Variants in FLVCR1 observed in about 807,000 individuals in gnomAD.
FLVCR1 encodes the protein FLVCR choline and heme transporter 1.
In FLVCR1, 34 loss-of-function variants were observed where a neutral mutation model predicts 53.6. The ratio of observed to expected loss-of-function variants is 0.63; its 90% CI spans 0.48 to 0.84. FLVCR1 has a LOEUF of 0.84. FLVCR1 is among the 40% of genes least tolerant of loss of function. The pLI, the probability that FLVCR1 is intolerant of heterozygous loss-of-function variation, is 0.00. For synonymous variants in FLVCR1, 300 were observed against 286.3 expected (o/e 1.05, Z -0.48); for missense variants, 677 against 696.7 (o/e 0.97, Z 0.32).
rs760414651 is a variant in FLVCR1 at position 212,858,706 on chromosome 1, G to C, written c.254G>C (p.Gly85Ala). 41 of 1,595,114 alleles carry C rather than the reference G, an allele frequency of 2.6e-5. No homozygotes were observed. In the African/African-American group the frequency reaches 5.4e-4, roughly 21 times the overall value. The change falls in exon 1 of 10, where the codon GGC (glycine) becomes GCC (alanine). Residue 85 changes from glycine (G) to alanine (A), a missense_variant. Gly to Ala is a moderately conservative substitution (Grantham distance 60). Coordinates refer to ENST00000366971, the MANE Select transcript of FLVCR1 (RefSeq NM_014053.4). The stretch of plus-strand genomic sequence containing the variant: ...ACCCAGGCCCGGCTGCTGCCTGCGG[G>C]CGCGGGAGCTGAGACCCCGGGGGCC... ...EETQARLLPA[G>A]AGAETPGAES... is the part of the protein sequence containing the mutation.
chr1:212,893,923 C>T (rs893586757), intron 8 of FLVCR1, among the ~76,000 whole-genome samples: 1 of 151,824 alleles, frequency 6.6e-6, no homozygotes, highest in Admixed American at 6.6e-5. Context: ...TTACAGATGC[C>T]CACCACCACA....
chr1:212,873,484 T>C lies in FLVCR1; in HGVS notation c.1024+666T>C, dbSNP rs41297448. Among the ~76,000 whole-genome samples the C allele has an allele frequency of 3.8e-3, 582 of 152,318 alleles. 2 individuals are homozygous for C. Among genetic ancestry groups the C allele is most frequent in the Non-Finnish European group, 6.6e-3 (447 of 68,020 alleles). The stretch of plus-strand genomic sequence containing the variant: ...TTCTTTGACACTGTGCAAGCTGGCA[T>C]CTGTTTTGATTACTCAGTCAAAAGT... On this transcript the variant is annotated intron_variant, in intron 3 of 9. Coordinates refer to ENST00000366971, the MANE Select transcript of FLVCR1 (RefSeq NM_014053.4).
rs370684850 is a variant in FLVCR1 at position 212,872,171 on chromosome 1, A to G, written c.884-507A>G. Among the ~76,000 whole-genome samples, 210 of 151,734 alleles carry G rather than the reference A, an allele frequency of 1.4e-3. 1 individual carries two copies. The South Asian group carries it at 0.027, about 20-fold the overall frequency. ...GCTCTGTTGCCCAGGCTGGAGTGCA[A>G]TGGCGCAGTCACAGCTCACTGCAGC... is the stretch of plus-strand genomic sequence containing the variant. On this transcript the variant is annotated intron_variant, in intron 2 of 9. Coordinates refer to ENST00000366971, the MANE Select transcript of FLVCR1 (RefSeq NM_014053.4).
At chr1:212,874,916 T>TAC (rs57061343) in intron 3 of FLVCR1, among the ~76,000 whole-genome samples, 5,060 of 149,352 alleles carry the variant, frequency 0.034, 152 homozygotes, top group African/African-American at 0.087. Context: ...GTCACAGACG[T>TAC]ACACACACAC....
intron 8 of FLVCR1, among the ~76,000 whole-genome samples, chr1:212,894,360 G>A (rs1482094093): frequency 7.3e-5 from 11 of 151,716 alleles, no homozygotes; most frequent in African/African-American, 2.7e-4. Context: ...TCACCGTGTT[G>A]GCCGGGATGG....
At chr1:212,871,959 A>G (rs763430312) in intron 2 of FLVCR1, among the ~76,000 whole-genome samples, 1 of 152,196 alleles carries the variant, frequency 6.6e-6, no homozygotes, top group Non-Finnish European at 1.5e-5. Context: ...CTCTGCTTCC[A>G]TGAATCTACC....
chr1:212,877,685 A>ATTT (rs1558115489), intron 3 of FLVCR1, among the ~76,000 whole-genome samples: 1 of 72,832 alleles, frequency 1.4e-5, no homozygotes, highest in South Asian at 4.5e-4. Context: ...CTCTGATGAT[A>ATTT]GTTTTTTTTT....
At chr1:212,875,294 A>G (rs946694619) in intron 3 of FLVCR1, among the ~76,000 whole-genome samples, 10 of 152,214 alleles carry the variant, frequency 6.6e-5, no homozygotes, top group African/African-American at 2.4e-4. Flanking sequence ...ACAACACAAG[A>G]TGAGTTGTAT....
rs574563810 is a variant in FLVCR1 at position 212,888,604 on chromosome 1, T to A, written c.1413+10T>A. 6.5e-7 allele frequency: 1 copy of A among 1,530,998 alleles called. No individual in the cohort carries two copies. The highest frequency in any genetic ancestry group is 9.1e-7 in the Non-Finnish European group (1 of 1,104,292). The allele number at this position is 1,530,998 out of a possible 1,614,324, so 94.8% of individuals were successfully genotyped here. On this transcript the variant is annotated intron_variant, in intron 7 of 9. Transcript: ENST00000366971. The stretch of plus-strand genomic sequence containing the variant: ...TAATGCTTCTGCACAGGTAAACCTC[T>A]GATTTCTCTAAACCTGAGATGATTA...
At chr1:212,886,654 G>A (rs1169298251) in intron 5 of FLVCR1, among the ~76,000 whole-genome samples, 1 of 152,018 alleles carries the variant, frequency 6.6e-6, no homozygotes, top group Non-Finnish European at 1.5e-5. Context: ...ACAAAAAATA[G>A]TCAAGTGTGG....
intron 8 of FLVCR1, among the ~76,000 whole-genome samples, chr1:212,891,655 A>G (rs2102573018): frequency 6.6e-6 from 1 of 152,284 alleles, no homozygotes. Flanking sequence ...TATTGAAATC[A>G]GGGCCCTGAT....
At chr1:212,888,650 A>T (rs1665117479) in intron 7 of FLVCR1, 56 bp downstream of exon 7, 1 of 1,208,384 alleles carries the variant, frequency 8.3e-7, no homozygotes, top group African/African-American at 1.5e-5. Flanking sequence ...TATTCTAGTG[A>T]GTAATGAGTT....
chr1:212,895,559 A>T lies in FLVCR1; in HGVS notation c.*269A>T. The T allele has an allele frequency of 2.2e-6, 1 of 452,552 alleles. No homozygotes were observed. Among genetic ancestry groups the T allele is most frequent in the South Asian group, 2.5e-5 (1 of 39,620 alleles). The allele number at this position is 452,552 out of a possible 1,614,324, so 28.0% of individuals were successfully genotyped here. A position where few individuals can be genotyped will look rare whatever the true frequency, so the allele number is the denominator to read the frequency against. ...TTTTTAGTCTCATATTGTATCTGAA[A>T]GTAAGCTTCTTGACGTTTACTTTTT... is the stretch of plus-strand genomic sequence containing the variant. On this transcript the variant is annotated 3_prime_UTR_variant, in exon 10 of 10. Coordinates refer to ENST00000366971, the MANE Select transcript of FLVCR1 (RefSeq NM_014053.4).
rs2102526011 is a variant in FLVCR1 at position 212,858,628 on chromosome 1, C to T, written c.176C>T (p.Ala59Val). 2 of 1,532,308 alleles carry T rather than the reference C, an allele frequency of 1.3e-6. No individual in the cohort carries two copies. Among genetic ancestry groups the T allele is most frequent in the Non-Finnish European group, 1.8e-6 (2 of 1,139,188 alleles). The allele number at this position is 1,532,308 out of a possible 1,614,324, so 94.9% of individuals were successfully genotyped here. The change falls in exon 1 of 10, where the codon GCC (alanine) becomes GTC (valine). Residue 59 changes from alanine (A) to valine (V), a missense_variant. By Grantham distance (64) the Ala-to-Val change is moderately conservative. Transcript: ENST00000366971. ...VNGAPRDSLA[A>V]ASGVLGGPQT... ...GGGGCCCCCCGGGACAGCCTCGCTG[C>T]CGCCTCGGGAGTTCTGGGCGGGCCT...
chr1:212,886,039 G>GTTTTT (rs1477656980), intron 5 of FLVCR1, among the ~76,000 whole-genome samples: 12 of 66,278 alleles, frequency 1.8e-4, no homozygotes, highest in African/African-American at 6.8e-4. Context: ...ACTTTATCTT[G>GTTTTT]TTCTTTTTTT....
At position 212,898,174 on chromosome 1, in the gene FLVCR1, A is replaced by G. The variant is rs1665387391; in HGVS notation, c.*2884A>G. The G allele has an allele frequency of 6.6e-6, 1 of 152,232 alleles. No individual in the cohort carries two copies. Among genetic ancestry groups the G allele is most frequent in the Non-Finnish European group, 1.5e-5 (1 of 68,040 alleles). 9.4% of individuals were successfully genotyped at this position (152,232 alleles called of 1,614,324 possible). The stretch of plus-strand genomic sequence containing the variant: ...TCTTTCCAAAATATTAAATGCCATT[A>G]ATCATGGAATAGACCAAATTATTGT... On this transcript the variant is annotated 3_prime_UTR_variant, in exon 10 of 10. Coordinates refer to ENST00000366971, the MANE Select transcript of FLVCR1 (RefSeq NM_014053.4).
At chr1:212,877,197 A>G (rs1394906168) in intron 3 of FLVCR1, among the ~76,000 whole-genome samples, 1 of 139,010 alleles carries the variant, frequency 7.2e-6, no homozygotes, top group Non-Finnish European at 1.5e-5. Flanking sequence ...GTGCAGTGGC[A>G]TGATCTTGGC....
At chr1:212,865,754 T>C (rs1664395587) in intron 2 of FLVCR1, among the ~76,000 whole-genome samples, 1 of 151,938 alleles carries the variant, frequency 6.6e-6, no homozygotes. Context: ...AGTGCTGGGA[T>C]TATAGGCATG....
At position 212,880,926 on chromosome 1, in the gene FLVCR1, G is replaced by A. The variant is rs1664911668; in HGVS notation, c.1025-2445G>A. Among the ~76,000 whole-genome samples, 6 of 152,142 alleles carry A rather than the reference G, an allele frequency of 3.9e-5. No homozygotes were observed. The South Asian group carries it at 1.2e-3, about 31-fold the overall frequency. On this transcript the variant is annotated intron_variant, in intron 3 of 9. Coordinates refer to ENST00000366971, the MANE Select transcript of FLVCR1 (RefSeq NM_014053.4). ...GTTTCTGCTCATCAAAGTTACTCAA[G>A]GATACAGCCTGACATCTCTGTAAAT...
Sources: gnomAD v4.1 joint callset for allele counts (sites outside exome capture counted in the v4.1 genomes callset) on GRCh38, gnomAD v4.1.1 for gene constraint, MANE v1.5 for transcripts, NCBI Gene and HGNC (gene_info 2026-07-23, HGNC 2026-07-21) for gene names.